CTIF: variants seen among roughly 807,000 people sequenced by gnomAD.
CTIF encodes cap binding complex dependent translation initiation factor, also known as CBP80/20-dependent translation initiation factor.
Under a neutral mutation model 66.0 loss-of-function variants are expected in CTIF, and 21 were observed. The observed-to-expected ratio is 0.32, with a 90% confidence interval of 0.23 to 0.46. The LOEUF (loss-of-function observed/expected upper bound fraction) is 0.46. Ranked by LOEUF, CTIF falls within the 20% of genes least tolerant of loss-of-function variation. The pLI, the probability that CTIF is intolerant of heterozygous loss-of-function variation, is 1.00. For synonymous variants in CTIF, 345 were observed against 326.4 expected, an observed-to-expected ratio of 1.06 and a Z score of -0.62; for missense variants, 739 against 812.7, an observed-to-expected ratio of 0.91 and a Z score of 1.10.
Position 48,758,233 on chromosome 18 carries a change from C to T in CTIF, c.899C>T (p.Pro300Leu). The change falls in exon 8 of 12, where the codon CCT becomes CTT. Residue 300 changes from proline (P) to leucine (L), a missense_variant. Around this residue, in one of 2 missense-constraint regions of CTIF, gnomAD observed 529 missense variants for 520.3 expected, o/e 1.02. Coordinates refer to ENST00000256413, the MANE Select transcript of CTIF (RefSeq NM_014772.3). ...GHSSLEAPRSPDTLAPVASER... is the reference protein window; with the variant it reads ...GHSSLEAPRSLDTLAPVASER... ...AGCAGCCTTGAGGCCCCCCGCAGCC[C>T]TGACACCCTGGCCCCGGTGGCTTCT... 1.2e-6 allele frequency: 2 copies of T among 1,613,500 alleles called. No homozygotes were observed. Among genetic ancestry groups the T allele is most frequent in the Non-Finnish European group, 1.7e-6 (2 of 1,179,756 alleles).
At chr18:48,729,540 C>A (rs1412136313) in intron 7 of CTIF, among the ~76,000 whole-genome samples, 1 of 152,164 alleles carries the variant, frequency 6.6e-6, no homozygotes, top group Non-Finnish European at 1.5e-5. Context: ...AGCTGGCGTC[C>A]CCATGAGAAG....
chr18:48,614,486 A>G (rs933310535), intron 1 of CTIF, among the ~76,000 whole-genome samples: 2 of 152,074 alleles, frequency 1.3e-5, no homozygotes, highest in Admixed American at 1.3e-4. Context: ...TAAATAAAAT[A>G]TGGTCTAGAT....
intron 9 of CTIF, among the ~76,000 whole-genome samples, chr18:48,808,611 G>T (rs2068199691): frequency 6.7e-6 from 1 of 148,178 alleles, no homozygotes; most frequent in African/African-American, 2.5e-5. Context: ...TTTTCCTCCT[G>T]ATACTTAGAC....
intron 7 of CTIF, among the ~76,000 whole-genome samples, chr18:48,750,598 A>G (rs559052753): frequency 2.3e-4 from 35 of 152,360 alleles, no homozygotes; most frequent in African/African-American, 8.2e-4. Context: ...CCCAGCACAG[A>G]TGGAAACCAA....
intron 2 of CTIF, among the ~76,000 whole-genome samples, chr18:48,620,715 T>G (rs961200067): frequency 2.6e-5 from 4 of 152,204 alleles, no homozygotes; most frequent in Admixed American, 6.5e-5. Context: ...CCGCCTCTCG[T>G]GCGTGTTATC....
intron 6 of CTIF, among the ~76,000 whole-genome samples, chr18:48,700,946 A>G (rs374728166): frequency 2.6e-5 from 4 of 152,318 alleles, no homozygotes; most frequent in African/African-American, 7.2e-5. Flanking sequence ...CTTCAGTTCT[A>G]TGATGGTCTT....
intron 1 of CTIF, among the ~76,000 whole-genome samples, chr18:48,615,835 AAAC>A (rs143922036): frequency 0.014 from 2,207 of 152,330 alleles, 53 homozygotes; most frequent in African/African-American, 0.051. Context: ...GCTGGGCAGC[AAAC>A]ACTAGAGTAG....
intron 7 of CTIF, among the ~76,000 whole-genome samples, chr18:48,729,411 C>T (rs940375259): frequency 6.6e-6 from 1 of 152,184 alleles, no homozygotes; most frequent in Non-Finnish European, 1.5e-5. Flanking sequence ...CAGACACTGA[C>T]AGAGAAGGCT....
chr18:48,552,079 G>T (rs1416267457), intron 1 of CTIF, among the ~76,000 whole-genome samples: 1 of 152,236 alleles, frequency 6.6e-6, no homozygotes, highest in African/African-American at 2.4e-5. Context: ...TGGGATTACA[G>T]GCGTGAGCCA....
intron 3 of CTIF, among the ~76,000 whole-genome samples, chr18:48,640,911 T>C (rs921861691): frequency 6.6e-6 from 1 of 152,188 alleles, no homozygotes; most frequent in Non-Finnish European, 1.5e-5. Context: ...CTAGAAGAGA[T>C]TGGGTCCCAC....
chr18:48,717,726 C>A (rs1353872723), intron 7 of CTIF, among the ~76,000 whole-genome samples: 1 of 151,884 alleles, frequency 6.6e-6, no homozygotes, highest in Non-Finnish European at 1.5e-5. Flanking sequence ...CTTGAAACAC[C>A]CCTTCAAAAT....
At chr18:48,676,357 T>TTCTCCCAGA (rs1274757551) in intron 6 of CTIF, among the ~76,000 whole-genome samples, 3 of 152,378 alleles carry the variant, frequency 2.0e-5, no homozygotes, top group East Asian at 3.9e-4. Context: ...TATCCTTGAA[T>TTCTCCCAGA]TCTCCCAGAC....
Position 48,693,103 on chromosome 18 carries a change from G to T in CTIF, c.508-18516G>T, listed in dbSNP as rs544215173. ...TGAATCGGTGTTAATGAGCATATAT[G>T]TGTTGCCACAGAGAAATGTACTAGA... On this transcript the variant is annotated intron_variant, in intron 6 of 11. Coordinates refer to ENST00000256413, the MANE Select transcript of CTIF (RefSeq NM_014772.3). Among the ~76,000 whole-genome samples, 7 of 152,324 alleles carry T rather than the reference G, an allele frequency of 4.6e-5. No individual in the cohort carries two copies. The South Asian group carries it at 6.2e-4, about 14-fold the overall frequency.
intron 1 of CTIF, among the ~76,000 whole-genome samples, chr18:48,606,906 A>G (rs1194655981): frequency 6.6e-6 from 1 of 152,226 alleles, no homozygotes; most frequent in African/African-American, 2.4e-5. Context: ...TTAATATATG[A>G]CAAGCATTTA....
At chr18:48,643,384 T>C (rs2090968797) in intron 3 of CTIF, among the ~76,000 whole-genome samples, 2 of 152,218 alleles carry the variant, frequency 1.3e-5, no homozygotes, top group South Asian at 4.1e-4. Context: ...GGGCATGATC[T>C]AATGCTAATA....
chr18:48,611,259 T>C (rs1206359259), intron 1 of CTIF, among the ~76,000 whole-genome samples: 2 of 152,248 alleles, frequency 1.3e-5, no homozygotes, highest in African/African-American at 4.8e-5. Flanking sequence ...AGCTCCATGC[T>C]GGGTGTTGCA....
chr18:48,841,212 T>C (rs1047754613), intron 10 of CTIF, among the ~76,000 whole-genome samples: 3 of 152,204 alleles, frequency 2.0e-5, no homozygotes, highest in Non-Finnish European at 2.9e-5. Flanking sequence ...CTCAGGGAAC[T>C]GTAGGTTGGC....
chr18:48,571,318 G>A lies in CTIF; in HGVS notation c.-29+32006G>A, dbSNP rs910686744. Among the ~76,000 whole-genome samples the A allele has an allele frequency of 5.5e-4, 83 of 152,158 alleles. 1 individual carries two copies. The highest frequency in any genetic ancestry group is 4.8e-4 in the African/African-American group (20 of 41,508). On this transcript the variant is annotated intron_variant, in intron 1 of 11. Transcript: ENST00000256413. ...ATTACAGGCAGGCGCCACCACGCCC[G>A]GCTAATTTTTGTATTTTTGGTAGAG...
intron 1 of CTIF, among the ~76,000 whole-genome samples, chr18:48,599,097 C>T (rs765460204): frequency 6.6e-6 from 1 of 152,210 alleles, no homozygotes; most frequent in East Asian, 1.9e-4. Flanking sequence ...AATCTCCTCT[C>T]TGCCGATCAG....
Sources: gnomAD v4.1 joint callset for allele counts (sites outside exome capture counted in the v4.1 genomes callset) on GRCh38, gnomAD v4.1.1 for gene constraint, gnomAD v4.1.1 regional missense constraint, MANE v1.5 for transcripts, NCBI Gene and HGNC (gene_info 2026-07-23, HGNC 2026-07-21) for gene names.